The following GULP1 variants were observed in gnomAD, a reference collection of about 807,000 sequenced individuals.
GULP1 encodes GULP PTB domain containing engulfment adaptor 1.
In GULP1, 19 loss-of-function variants were observed where a neutral mutation model predicts 40.9. That is an observed-to-expected ratio of 0.46 (90% CI 0.32 to 0.68). The LOEUF is 0.68. Among genes scored for constraint, GULP1 ranks in the 30% least tolerant of loss-of-function variants. GULP1 has a pLI of 0.03. For synonymous variants in GULP1, 119 were observed against 117.6 expected (o/e 1.01, Z -0.08); for missense variants, 312 against 362.2 (o/e 0.86, Z 1.12).
chr2:188,453,309 A>C lies in GULP1; in HGVS notation c.-44-24350A>C, dbSNP rs150640785. ...AGTATTGATCTATTTAGAAATGTAA[A>C]TGTTTAAAATGTAATGTTATTAGTG... On this transcript the variant is annotated intron_variant, in intron 2 of 11. Transcript: ENST00000409830. Among the ~76,000 whole-genome samples, 26 of 56,846 alleles carry C rather than the reference A, an allele frequency of 4.6e-4. No individual in the cohort carries two copies. In the East Asian group the frequency reaches 0.056, roughly 123 times the overall value. The allele number at this position is 56,846 out of a possible 152,430, so 37.3% of individuals were successfully genotyped here. A position where few individuals can be genotyped will look rare whatever the true frequency, so the allele number is the denominator to read the frequency against.
At chr2:188,376,784 A>G (rs557142051) in intron 1 of GULP1, among the ~76,000 whole-genome samples, 114 of 152,356 alleles carry the variant, frequency 7.5e-4, no homozygotes, top group Non-Finnish European at 1.4e-3. Context: ...CTATGTTGAC[A>G]TATCTTTCCA....
intron 6 of GULP1, among the ~76,000 whole-genome samples, chr2:188,540,410 C>G (rs890355765): frequency 2.8e-5 from 4 of 143,000 alleles, no homozygotes; most frequent in Admixed American, 2.2e-4. Flanking sequence ...TATATACCTT[C>G]TATTTTATAA....
intron 2 of GULP1, among the ~76,000 whole-genome samples, chr2:188,418,849 A>G (rs2054955023): frequency 6.6e-6 from 1 of 152,098 alleles, no homozygotes; most frequent in African/African-American, 2.4e-5. Flanking sequence ...CTTGACTGAA[A>G]CTTTATTCCC....
At position 188,501,760 on chromosome 2, in the gene GULP1, A is replaced by T. The variant is rs560853857; in HGVS notation, c.90+18268A>T. On this transcript the variant is annotated intron_variant, in intron 4 of 11. Transcript: ENST00000409830. The stretch of plus-strand genomic sequence containing the variant: ...AACTACACAGCGTCTTAGAAAAAGG[A>T]TGCCCCTGTGTCTCACCCCTTGGTA... 4.6e-5 allele frequency among the ~76,000 whole-genome samples: 7 copies of T among 152,068 alleles called. No homozygotes were observed. The East Asian group carries it at 7.8e-4, about 17-fold the overall frequency.
chr2:188,350,575 G>A lies in GULP1; in HGVS notation c.-171-33188G>A, dbSNP rs183545585. Among the ~76,000 whole-genome samples, 64 of 151,762 alleles carry A rather than the reference G, an allele frequency of 4.2e-4. No individual in the cohort carries two copies. In the East Asian group the frequency reaches 5.6e-3, roughly 13 times the overall value. The stretch of plus-strand genomic sequence containing the variant: ...ATTAGTTGTCATAGGTTTCTTTATT[G>A]TTTTTACTGGAATTTCTATATATGG... On this transcript the variant is annotated intron_variant, in intron 1 of 11. Transcript: ENST00000409830.
chr2:188,541,134 G>T, intron 6 of GULP1, 47 bp from the exon 7 acceptor site: 2 of 1,545,046 alleles, frequency 1.3e-6, no homozygotes, highest in Non-Finnish European at 8.9e-7. Flanking sequence ...TTCAGAAAAT[G>T]AAAAAAGAAT....
chr2:188,471,562 T>G (rs986645788), intron 2 of GULP1, among the ~76,000 whole-genome samples: 1 of 152,188 alleles, frequency 6.6e-6, no homozygotes, highest in Non-Finnish European at 1.5e-5. Flanking sequence ...GAGGTTACAA[T>G]GAGGCTTGCA....
At chr2:188,506,026 C>G (rs1392903961) in intron 4 of GULP1, among the ~76,000 whole-genome samples, 1 of 151,746 alleles carries the variant, frequency 6.6e-6, no homozygotes, top group Non-Finnish European at 1.5e-5. Flanking sequence ...TCAAAATTTA[C>G]TTTATTAAAT....
chr2:188,482,866 A>G (rs1412353527), intron 3 of GULP1, among the ~76,000 whole-genome samples: 1 of 151,806 alleles, frequency 6.6e-6, no homozygotes, highest in Non-Finnish European at 1.5e-5. Flanking sequence ...GTGTTTCCTC[A>G]AATTTAGAAT....
At chr2:188,504,670 A>T (rs1246236440) in intron 4 of GULP1, among the ~76,000 whole-genome samples, 1 of 151,888 alleles carries the variant, frequency 6.6e-6, no homozygotes, top group Non-Finnish European at 1.5e-5. Flanking sequence ...CCAGTGGGCT[A>T]TTTGAAATTT....
At chr2:188,571,714 T>TG (rs1415725639) in intron 9 of GULP1, among the ~76,000 whole-genome samples, 1 of 152,190 alleles carries the variant, frequency 6.6e-6, no homozygotes, top group African/African-American at 2.4e-5. Flanking sequence ...CACATCCTCT[T>TG]GGGTTTTGTT....
intron 1 of GULP1, among the ~76,000 whole-genome samples, chr2:188,307,097 A>AT (rs2037221654): frequency 6.6e-6 from 1 of 152,144 alleles, no homozygotes; most frequent in South Asian, 2.1e-4. Context: ...GAAAATAATG[A>AT]TTTTGTAGGT....
At chr2:188,376,777 T>C (rs1385092437) in intron 1 of GULP1, among the ~76,000 whole-genome samples, 6 of 152,236 alleles carry the variant, frequency 3.9e-5, no homozygotes, top group Admixed American at 2.0e-4. Context: ...TGGAAGTCTA[T>C]GTTGACATAT....
intron 1 of GULP1, among the ~76,000 whole-genome samples, chr2:188,331,162 C>T (rs1269508075): frequency 6.6e-6 from 1 of 152,054 alleles, no homozygotes; most frequent in East Asian, 1.9e-4. Context: ...TATAATTGAG[C>T]CTTAGCATTC....
intron 2 of GULP1, among the ~76,000 whole-genome samples, chr2:188,407,070 G>A (rs954548284): frequency 6.6e-6 from 1 of 152,156 alleles, no homozygotes. Context: ...CTCAGCAGGG[G>A]CATTCCAGGC....
At chr2:188,533,070 A>T (rs1372175011) in intron 6 of GULP1, among the ~76,000 whole-genome samples, 1 of 152,338 alleles carries the variant, frequency 6.6e-6, no homozygotes, top group East Asian at 1.9e-4. Flanking sequence ...TTGACCAATA[A>T]CTTATGATTT....
At chr2:188,321,819 C>A (rs558474742) in intron 1 of GULP1, among the ~76,000 whole-genome samples, 11 of 152,036 alleles carry the variant, frequency 7.2e-5, no homozygotes, top group Non-Finnish European at 1.5e-4. Flanking sequence ...GAGTTTGAGA[C>A]CAGCCTGACC....
At chr2:188,332,056 T>C (rs1156364671) in intron 1 of GULP1, among the ~76,000 whole-genome samples, 1 of 152,184 alleles carries the variant, frequency 6.6e-6, no homozygotes, top group East Asian at 1.9e-4. Context: ...CTGAGTGTTT[T>C]CAGGGTACAT....
chr2:188,448,956 G>A (rs2058620212), intron 2 of GULP1, among the ~76,000 whole-genome samples: 1 of 152,116 alleles, frequency 6.6e-6, no homozygotes, highest in Non-Finnish European at 1.5e-5. Flanking sequence ...CCTGGAAGCT[G>A]AGCAGATGCC....
Sources: gnomAD v4.1 joint callset for allele counts (sites outside exome capture counted in the v4.1 genomes callset) on GRCh38, gnomAD v4.1.1 for gene constraint, MANE v1.5 for transcripts, NCBI Gene and HGNC (gene_info 2026-07-23, HGNC 2026-07-21) for gene names.